The following RNF17 variants were observed in gnomAD, a reference collection of about 807,000 sequenced individuals.
RNF17 encodes the protein spermatogenesis associated 23.
A neutral mutation model predicts 200.5 loss-of-function variants in RNF17; 31 were observed. That is an observed-to-expected ratio of 0.15 (90% CI 0.12 to 0.21). The LOEUF (loss-of-function observed/expected upper bound fraction) is 0.21. Among genes scored for constraint, RNF17 ranks in the 10% least tolerant of loss-of-function variants. The probability of loss-of-function intolerance (pLI) is 1.00; values close to 1 mark genes in which losing one functional copy is unlikely to be tolerated. For synonymous variants in RNF17, 606 were observed against 637.8 expected (o/e 0.95, Z 0.75); for missense variants, 1,628 against 1,905.1 (o/e 0.85, Z 2.71).
At chr13:24,775,362 A>T (rs1881413261) in intron 3 of RNF17, among the ~76,000 whole-genome samples, 1 of 152,070 alleles carries the variant, frequency 6.6e-6, no homozygotes, top group Non-Finnish European at 1.5e-5. Flanking sequence ...CTAGCCTCTC[A>T]CCTCAGCCTT....
chr13:24,885,639 A>G, the RNF17 span: 19 of 1,613,204 alleles, frequency 1.2e-5, no homozygotes, highest in African/African-American at 2.5e-4. Flanking sequence ...AATCACGAGG[A>G]GGTGCAGACT....
chr13:24,862,591 T>C, intron 27 of RNF17, 122 bp from the exon 28 acceptor site: 2 of 633,848 alleles, frequency 3.2e-6, no homozygotes, highest in Admixed American at 4.6e-5. Flanking sequence ...TGAGAACTGC[T>C]TGTGTATTTT....
intron 20 of RNF17, 99 bp downstream of exon 20, chr13:24,844,070 A>C: frequency 2.4e-6 from 1 of 416,158 alleles, no homozygotes; most frequent in Non-Finnish European, 4.0e-6. Flanking sequence ...AGATTTTACT[A>C]GCAAAATTAT....
At chr13:24,883,950 A>C, downstream of RNF17, 10 of 1,614,078 alleles carry the variant, frequency 6.2e-6, no homozygotes, top group Non-Finnish European at 8.5e-6. Context: ...CTGTGAACAT[A>C]ATGTTGCCAT....
upstream of RNF17, among the ~76,000 whole-genome samples, chr13:24,759,554 C>A (rs1462908330): frequency 6.6e-6 from 1 of 152,172 alleles, no homozygotes; most frequent in African/African-American, 2.4e-5. Context: ...CTAAAGCTAT[C>A]ACAAGATGTT....
chr13:24,810,419 CTTTGTTGGTTTAAAG>C (rs2137814451), intron 15 of RNF17, among the ~76,000 whole-genome samples: 1 of 116,724 alleles, frequency 8.6e-6, no homozygotes, highest in African/African-American at 3.6e-5. Context: ...CTCTTTTGAT[CTTTGTTGGTTTAAAG>C]TCTGTTTTAT....
At chr13:24,804,707 A>G (rs1885641875) in intron 15 of RNF17, among the ~76,000 whole-genome samples, 1 of 152,096 alleles carries the variant, frequency 6.6e-6, no homozygotes, top group South Asian at 2.1e-4. Context: ...AAATAGAAAT[A>G]TAATGATAAA....
At chr13:24,787,585 G>A (rs1302859417) in intron 6 of RNF17, among the ~76,000 whole-genome samples, 1 of 152,136 alleles carries the variant, frequency 6.6e-6, no homozygotes, top group Non-Finnish European at 1.5e-5. Context: ...GGGCCTCAGT[G>A]TGGCTTTTTC....
At chr13:24,748,971 G>A in the RNF17 span, among the ~76,000 whole-genome samples, 1 of 152,032 alleles carries the variant, frequency 6.6e-6, no homozygotes, top group Admixed American at 6.6e-5. Context: ...CCAGCCTGGT[G>A]GTGAACTCCT....
In RNF17 at chr13:24,850,956, T is replaced by C. The variant is rs144073068; in HGVS notation, c.3205-500T>C. On this transcript the variant is annotated intron_variant, in intron 23 of 35. Transcript: ENST00000255324. The stretch of plus-strand genomic sequence containing the variant: ...CACCTTGACATTGAGGTTTTCCTGA[T>C]GCATTTCACAAAATAACTCTCTGTT... 2.2e-4 allele frequency among the ~76,000 whole-genome samples: 34 copies of C among 152,340 alleles called. No homozygotes were observed. In the East Asian group the frequency reaches 6.2e-3, roughly 28 times the overall value.
chr13:24,768,468 TAGAG>T (rs1481809616), intron 2 of RNF17, among the ~76,000 whole-genome samples: 5 of 151,984 alleles, frequency 3.3e-5, no homozygotes, highest in African/African-American at 4.8e-5. Context: ...GTATTTTTAA[TAGAG>T]AGGGGGTTTC....
intron 11 of RNF17, 51 bp from the exon 12 acceptor site, chr13:24,799,344 G>A (rs768543961): frequency 1.4e-6 from 2 of 1,389,026 alleles, no homozygotes; most frequent in South Asian, 1.2e-5. Flanking sequence ...AACTTATGAA[G>A]TGGCTTTTAT....
chr13:24,815,635 C>T (rs1296587276), intron 15 of RNF17, among the ~76,000 whole-genome samples: 1 of 152,054 alleles, frequency 6.6e-6, no homozygotes, highest in Non-Finnish European at 1.5e-5. Flanking sequence ...AAGCAGGCTT[C>T]CTTGTCTTAT....
chr13:24,775,094 T>C (rs1408941239), intron 3 of RNF17, among the ~76,000 whole-genome samples, 190 bp downstream of exon 3: 17 of 149,164 alleles, frequency 1.1e-4, no homozygotes. Flanking sequence ...AAGCAGCGTT[T>C]GTTTGTCCTT....
At chr13:24,847,199 A>G (rs1891348910) in intron 22 of RNF17, among the ~76,000 whole-genome samples, 1 of 152,156 alleles carries the variant, frequency 6.6e-6, no homozygotes, top group Admixed American at 6.5e-5. Context: ...TCTCACAATA[A>G]TACCGACATG....
intron 7 of RNF17, among the ~76,000 whole-genome samples, chr13:24,788,401 G>A (rs904659049): frequency 1.3e-5 from 2 of 151,882 alleles, no homozygotes; most frequent in Non-Finnish European, 2.9e-5. Flanking sequence ...TTAGGGAAAT[G>A]GTGCAATTAA....
chr13:24,863,054 G>T (rs1347112088), intron 28 of RNF17, among the ~76,000 whole-genome samples: 1 of 152,150 alleles, frequency 6.6e-6, no homozygotes, highest in African/African-American at 2.4e-5. Flanking sequence ...TTGTTACAGG[G>T]AGCAGTATTA....
At chr13:24,794,686 A>G (rs1259062351) in intron 10 of RNF17, among the ~76,000 whole-genome samples, 1 of 151,932 alleles carries the variant, frequency 6.6e-6, no homozygotes, top group Non-Finnish European at 1.5e-5. Context: ...TAAATGAATG[A>G]ATGAGTGTTT....
chr13:24,867,817 G>A (rs905747256), intron 30 of RNF17, among the ~76,000 whole-genome samples: 1 of 152,152 alleles, frequency 6.6e-6, no homozygotes, highest in Non-Finnish European at 1.5e-5. Flanking sequence ...TGGCTTAAGA[G>A]AAAGCACACC....
Sources: gnomAD v4.1 joint callset for allele counts (sites outside exome capture counted in the v4.1 genomes callset) on GRCh38, gnomAD v4.1.1 for gene constraint, MANE v1.5 for transcripts, NCBI Gene and HGNC (gene_info 2026-07-23, HGNC 2026-07-21) for gene names.